TUBB8: variants seen among roughly 807,000 people sequenced by gnomAD.
TUBB8 encodes tubulin beta 8 class VIII.
TUBB8 carries 25 observed loss-of-function variants against 33.7 expected under a neutral mutation model. The ratio of observed to expected loss-of-function variants is 0.74; its 90% CI spans 0.54 to 1.04. The LOEUF is 1.04. Ranked by LOEUF, TUBB8 falls within the 50% of genes least tolerant of loss-of-function variation. The pLI is 0.00. For synonymous variants in TUBB8, 245 were observed against 240.1 expected, an observed-to-expected ratio of 1.02 and a Z score of -0.19; for missense variants, 279 against 608.0, an observed-to-expected ratio of 0.46 and a Z score of 5.69.
intron 1 of TUBB8, among the ~76,000 whole-genome samples, chr10:56,153 CTTTT>C (rs1364910671): frequency 7.9e-5 from 12 of 152,250 alleles, no homozygotes; most frequent in African/African-American, 2.9e-4. Context: ...TCTTCTCTTT[CTTTT>C]ATCAGTGTTT....
At chr10:55,762 T>C (rs1164078336) in intron 1 of TUBB8, among the ~76,000 whole-genome samples, 10 of 152,256 alleles carry the variant, frequency 6.6e-5, no homozygotes, top group African/African-American at 2.4e-5. Flanking sequence ...TTTTGTTGTA[T>C]GTTATCAACA....
chr10:75,875 A>G (rs1834806555), upstream of TUBB8, among the ~76,000 whole-genome samples: 2 of 151,956 alleles, frequency 1.3e-5, no homozygotes, highest in Admixed American at 1.3e-4. Context: ...GAGATGGCTC[A>G]TGCCTGTAAT....
chr10:59,550 T>C (rs535541248), intron 1 of TUBB8, among the ~76,000 whole-genome samples: 24 of 152,338 alleles, frequency 1.6e-4, no homozygotes, highest in African/African-American at 5.8e-4. Flanking sequence ...CATCCTTGTA[T>C]CTCTGGGATA....
chr10:54,930 G>T (rs1284385020), intron 1 of TUBB8, among the ~76,000 whole-genome samples: 2 of 152,142 alleles, frequency 1.3e-5, no homozygotes, highest in African/African-American at 2.4e-5. Flanking sequence ...GCTAAGTTTT[G>T]TATTTTTAGT....
intron 2 of TUBB8, 21 bp from the exon 3 acceptor site, chr10:48,746 T>C (rs1834411224): frequency 6.2e-7 from 1 of 1,606,964 alleles, no homozygotes; most frequent in African/African-American, 1.3e-5. Context: ...CGGGAGGGCA[T>C]GAGCGAGGGG....
chr10:58,041 T>A (rs1488788618), intron 1 of TUBB8, among the ~76,000 whole-genome samples: 1 of 152,236 alleles, frequency 6.6e-6, no homozygotes, highest in Non-Finnish European at 1.5e-5. Flanking sequence ...TCTTGAACGC[T>A]TTGGTGCTTA....
At chr10:75,834 T>C (rs1834806093), upstream of TUBB8, among the ~76,000 whole-genome samples, 1 of 151,886 alleles carries the variant, frequency 6.6e-6, no homozygotes, top group Non-Finnish European at 1.5e-5. Flanking sequence ...CGTTAACAAA[T>C]AAGCCTTAAA....
chr10:72,254 T>TA (rs34999592), intron 1 of TUBB8, among the ~76,000 whole-genome samples: 31,965 of 125,600 alleles, frequency 0.25, 3,550 homozygotes, highest in Middle Eastern at 0.4. Flanking sequence ...TTTTTTTAAT[T>TA]AAAAAAAAAA....
intron 1 of TUBB8, chr10:73,939 C>A: frequency 6.5e-6 from 1 of 154,984 alleles, no homozygotes. Context: ...CCGCTGCACT[C>A]GCAGCGCGGG....
At chr10:62,159 T>A (rs34970834) in intron 1 of TUBB8, among the ~76,000 whole-genome samples, 10 of 151,156 alleles carry the variant, frequency 6.6e-5, no homozygotes, top group Non-Finnish European at 1.0e-4. Context: ...ACTTTTGTCC[T>A]CTCATCGTTC....
chr10:67,951 T>C (rs1415321368), intron 1 of TUBB8, among the ~76,000 whole-genome samples: 1 of 152,218 alleles, frequency 6.6e-6, no homozygotes, highest in Non-Finnish European at 1.5e-5. Flanking sequence ...TTAATATTTA[T>C]GTAGGGACGG....
chr10:56,894 T>C (rs553545652), intron 1 of TUBB8, among the ~76,000 whole-genome samples: 18 of 152,086 alleles, frequency 1.2e-4, no homozygotes, highest in Non-Finnish European at 2.4e-4. Flanking sequence ...AACTCAAAAG[T>C]CAAAAGTCTC....
intron 1 of TUBB8, among the ~76,000 whole-genome samples, chr10:70,651 C>T (rs1424806420): frequency 3.9e-5 from 6 of 151,956 alleles, no homozygotes; most frequent in African/African-American, 1.4e-4. Context: ...AACGGCATGG[C>T]CAACATGGCA....
At chr10:68,906 T>A (rs1554741971) in intron 1 of TUBB8, among the ~76,000 whole-genome samples, 1 of 152,194 alleles carries the variant, frequency 6.6e-6, no homozygotes, top group East Asian at 1.9e-4. Flanking sequence ...TCCTGAGCTG[T>A]CCCTCAGTTT....
At position 47,007 on chromosome 10, in the gene TUBB8, A is replaced by G. The variant is rs782629217; in HGVS notation, c.*50T>C. ...TATAGTGACACATGGCTGTCAGAACACAGTAAAGAATCCACACTGCTTCCC... is the reference window on the plus strand; with the variant it reads ...TATAGTGACACATGGCTGTCAGAACGCAGTAAAGAATCCACACTGCTTCCC... On this transcript the variant is annotated 3_prime_UTR_variant, in exon 4 of 4. Transcript: ENST00000568584. The G allele has an allele frequency of 2.6e-4, 173 of 653,500 alleles. No individual in the cohort carries two copies. Among genetic ancestry groups the G allele is most frequent in the Middle Eastern group, 4.1e-4 (1 of 2,412 alleles). The allele number at this position is 653,500 out of a possible 1,614,324, so 40.5% of individuals were successfully genotyped here. A position where few individuals can be genotyped will look rare whatever the true frequency, so the allele number is the denominator to read the frequency against.
In TUBB8 at chr10:48,785, G is replaced by A. The variant is rs782711504; in HGVS notation, c.166+19C>T. The A allele has an allele frequency of 1.7e-5, 27 of 1,610,688 alleles. No individual in the cohort carries two copies. Among genetic ancestry groups the A allele is most frequent in the South Asian group, 2.2e-5 (2 of 90,970 alleles). On this transcript the variant is annotated intron_variant, in intron 2 of 3. Transcript: ENST00000568584. ...GCCGCGTTCCCAGGAGGGCGGTGGG[G>A]GAAGGACGGGGGTCTCACCGCTGGC...
intron 1 of TUBB8, among the ~76,000 whole-genome samples, chr10:72,618 C>G (rs2130953828): frequency 6.7e-6 from 1 of 149,852 alleles, no homozygotes; most frequent in Non-Finnish European, 1.5e-5. Flanking sequence ...CTTTGAGAGG[C>G]CAAGGCGGGT....
At chr10:76,443 C>A (rs1417368624), upstream of TUBB8, among the ~76,000 whole-genome samples, 8 of 152,198 alleles carry the variant, frequency 5.3e-5, no homozygotes, top group Non-Finnish European at 1.0e-4. Context: ...GCACTCACAG[C>A]GGCGGCAGGA....
At chr10:72,967 GA>G (rs1369414876) in intron 1 of TUBB8, among the ~76,000 whole-genome samples, 2 of 145,330 alleles carry the variant, frequency 1.4e-5, no homozygotes, top group Non-Finnish European at 2.9e-5. Context: ...TTAAAATGCT[GA>G]AGGCCAAGGG....
Sources: allele counts gnomAD v4.1 joint callset (sites outside exome capture counted in the v4.1 genomes callset), GRCh38; gene constraint gnomAD v4.1.1; transcripts MANE v1.5; gene names NCBI Gene and HGNC (gene_info 2026-07-23, HGNC 2026-07-21).